The following SNRNP200 variants were observed in gnomAD, a reference collection of about 807,000 sequenced individuals.
The protein encoded by SNRNP200 is small nuclear ribonucleoprotein U5 subunit 200, also known as U5 small nuclear ribonucleoprotein 200 kDa helicase.
A neutral mutation model predicts 255.2 loss-of-function variants in SNRNP200; 66 were observed. The ratio of observed to expected loss-of-function variants is 0.26; its 90% CI spans 0.21 to 0.32. SNRNP200 has a LOEUF of 0.32. SNRNP200 is among the 10% of genes least tolerant of loss of function. The pLI is 1.00. For missense variants in SNRNP200, 1,585 were observed against 2,749.8 expected (o/e 0.58, Z 9.47); for synonymous variants, 939 against 1,027.8 (o/e 0.91, Z 1.65).
intron 12 of SNRNP200, 27 bp from the exon 13 acceptor site, chr2:96,296,718 G>C (rs780910577): frequency 6.2e-7 from 1 of 1,613,216 alleles, no homozygotes; most frequent in Admixed American, 1.7e-5. Flanking sequence ...GGATGAGAAC[G>C]CCTATTCACC....
chr2:96,287,415 C>T lies in SNRNP200; in HGVS notation c.3484+24G>A, dbSNP rs763963379. 1.4e-5 allele frequency: 21 copies of T among 1,536,008 alleles called. No homozygotes were observed. Among genetic ancestry groups the T allele is most frequent in the East Asian group, 2.2e-5 (1 of 44,520 alleles). Reference sequence around the variant, plus strand: ...GGGAGAGACACCCAGGCAGTGAGGACAAGGGCGAGAGCATCCCACACACCA... The same window carrying T: ...GGGAGAGACACCCAGGCAGTGAGGATAAGGGCGAGAGCATCCCACACACCA... On this transcript the variant is annotated intron_variant, in intron 26 of 44. Coordinates refer to ENST00000323853, the MANE Select transcript of SNRNP200 (RefSeq NM_014014.5). This position sits in a 1 kb window ranked among gnomAD's most constrained non-coding sequence, Gnocchi z 5.7.
chr2:96,289,428 A>G (rs2063869653), intron 21 of SNRNP200, 49 bp from the exon 22 acceptor site: 1 of 1,596,228 alleles, frequency 6.3e-7, no homozygotes, highest in Non-Finnish European at 8.6e-7. Flanking sequence ...ATGAGCTCCA[A>G]CCTCTAACTG....
rs1360177117 is a variant in SNRNP200 at position 96,303,243 on chromosome 2, G to C, written c.297C>G (p.Gly99=). The part of the protein sequence containing the change: ...LLSEGIDEMV[G]IIYKPKTKET... The stretch of plus-strand genomic sequence containing the variant: ...CTTTAGTTTTGGGCTTGTAGATGAT[G>C]CCCACCATCTCATCAATGCCCTCCG... The change falls in exon 3 of 45, where the codon GGC becomes GGG. Residue 99 remains glycine, a synonymous_variant. Transcript: ENST00000323853. 6.2e-7 allele frequency: 1 copy of C among 1,614,122 alleles called. No individual in the cohort carries two copies.
intron 34 of SNRNP200, 26 bp from the exon 35 acceptor site, chr2:96,281,948 C>G (rs750181672): frequency 6.3e-7 from 1 of 1,583,088 alleles, no homozygotes; most frequent in Non-Finnish European, 8.7e-7. Context: ...GAGAGGAAGG[C>G]TGAGGGCAGG....
intron 9 of SNRNP200, 63 bp downstream of exon 9, chr2:96,298,221 T>C: frequency 3.1e-6 from 5 of 1,609,440 alleles, no homozygotes; most frequent in South Asian, 2.2e-5. Flanking sequence ...TTTAGCTTCA[T>C]GCTGCAATCT....
At chr2:96,285,478 G>A (rs1275818766) in intron 29 of SNRNP200, 138 bp from the exon 30 acceptor site, 2 of 925,126 alleles carry the variant, frequency 2.2e-6, no homozygotes, top group Non-Finnish European at 3.4e-6. Context: ...GAGGAGCTAA[G>A]GCATCCAAGC....
chr2:96,291,936 T>C lies in SNRNP200; in HGVS notation c.2161-36A>G, dbSNP rs771329412. 1.4e-5 allele frequency: 23 copies of C among 1,611,020 alleles called. No individual in the cohort carries two copies. The Admixed American group carries it at 3.3e-4, about 23-fold the overall frequency. ...GCCACAGTTTGCTACAGTCACGAGA[T>C]ACTCACAGCCCCAGGGCACCTGCAG... On this transcript the variant is annotated intron_variant, in intron 16 of 44. Coordinates refer to ENST00000323853, the MANE Select transcript of SNRNP200 (RefSeq NM_014014.5). The surrounding 1 kb of genome is among the most constrained non-coding windows in gnomAD (Gnocchi z 4.2).
chr2:96,299,126 C>T (rs1046719798), intron 6 of SNRNP200, among the ~76,000 whole-genome samples, 159 bp from the exon 7 acceptor site: 1 of 152,150 alleles, frequency 6.6e-6, no homozygotes, highest in African/African-American at 2.4e-5. Context: ...CAGAAGCACA[C>T]CAGACTAAGA....
chr2:96,293,222 C>A (rs1315203763), intron 15 of SNRNP200, 94 bp downstream of exon 15: 2 of 1,561,516 alleles, frequency 1.3e-6, no homozygotes, highest in East Asian at 4.5e-5. Context: ...ACCCAAAGGC[C>A]CTTCTAAAAC....
chr2:96,274,633 A>G lies in SNRNP200; in HGVS notation c.*379T>C. 1 of 349,350 alleles carries G rather than the reference A, an allele frequency of 2.9e-6. No homozygotes were observed. Among genetic ancestry groups the G allele is most frequent in the Non-Finnish European group, 5.5e-6 (1 of 180,202 alleles). 21.6% of individuals were successfully genotyped at this position (349,350 alleles called of 1,614,324 possible). A position where few individuals can be genotyped will look rare whatever the true frequency, so the allele number is the denominator to read the frequency against. ...GTCTGTCCTCCAGACATACTCATTA[A>G]CAAGCACGTTCCTGGCTAAAAAATA... On this transcript the variant is annotated 3_prime_UTR_variant, in exon 45 of 45. Coordinates refer to ENST00000323853, the MANE Select transcript of SNRNP200 (RefSeq NM_014014.5).
chr2:96,274,895 C>G lies in SNRNP200; in HGVS notation c.*117G>C. The G allele has an allele frequency of 8.4e-7, 1 of 1,191,982 alleles. No homozygotes were observed. The highest frequency in any genetic ancestry group is 2.3e-5 in the East Asian group (1 of 42,960). The allele number at this position is 1,191,982 out of a possible 1,614,324, so 73.8% of individuals were successfully genotyped here. A position where few individuals can be genotyped will look rare whatever the true frequency, so the allele number is the denominator to read the frequency against. ...GGAGGTAGGCGGGGACAGCACCAGC[C>G]CTGGCTGGCCAGACCTGAGGCCCAC... On this transcript the variant is annotated 3_prime_UTR_variant, in exon 45 of 45. Transcript: ENST00000323853.
chr2:96,281,708 T>G (rs1432157439), intron 35 of SNRNP200, 106 bp downstream of exon 35: 2 of 943,544 alleles, frequency 2.1e-6, no homozygotes, highest in Admixed American at 1.7e-5. Context: ...GCTGTTAACT[T>G]CCCTAACACC....
intron 35 of SNRNP200, chr2:96,279,829 A>G (rs937991396): frequency 1.5e-5 from 6 of 409,960 alleles, no homozygotes; most frequent in African/African-American, 1.0e-4. Flanking sequence ...CAAAACCAAA[A>G]TAACTCCCTA....
chr2:96,275,954 C>A (rs1235952333), intron 43 of SNRNP200, among the ~76,000 whole-genome samples: 1 of 152,108 alleles, frequency 6.6e-6, no homozygotes. Context: ...TGCAGTGAGC[C>A]GAGATCGCGC....
Position 96,303,252 on chromosome 2 carries a change from C to G in SNRNP200, c.288G>C (p.Glu96Asp). Residue 96 changes from glutamate to aspartate, a missense_variant, in exon 3 of 45, where the codon GAG (glutamate) becomes GAC (aspartate). Glu to Asp is a conservative substitution (Grantham distance 45). Coordinates refer to ENST00000323853, the MANE Select transcript of SNRNP200 (RefSeq NM_014014.5). Reference protein sequence around the residue: ...GYTLLSEGIDEMVGIIYKPKT... With the variant: ...GYTLLSEGIDDMVGIIYKPKT... ...TGGGCTTGTAGATGATGCCCACCATCTCATCAATGCCCTCCGACAGCAGAG... is the reference window on the plus strand; with the variant it reads ...TGGGCTTGTAGATGATGCCCACCATGTCATCAATGCCCTCCGACAGCAGAG... 3.1e-6 allele frequency: 5 copies of G among 1,614,216 alleles called. No individual in the cohort carries two copies. Among genetic ancestry groups the G allele is most frequent in the South Asian group, 1.1e-5 (1 of 91,086 alleles).
Position 96,286,070 on chromosome 2 carries a change from C to T in SNRNP200, c.4003+241G>A, listed in dbSNP as rs762297491. On this transcript the variant is annotated intron_variant, in intron 29 of 44. Transcript: ENST00000323853. The surrounding 1 kb of genome is among the most constrained non-coding windows in gnomAD (Gnocchi z 4.8). ...GGCAGGCCTCTAAGCCTCCTGGGCC[C>T]GAGAAATGACCATGCCATGTAAGGC... is the stretch of plus-strand genomic sequence containing the variant. Among the ~76,000 whole-genome samples, 2 of 152,204 alleles carry T rather than the reference C, an allele frequency of 1.3e-5. No homozygotes were observed. The highest frequency in any genetic ancestry group is 6.5e-5 in the Admixed American group (1 of 15,276).
chr2:96,282,640 G>C (rs1052225930), intron 34 of SNRNP200: 1 of 220,752 alleles, frequency 4.5e-6, no homozygotes, highest in African/African-American at 2.3e-5. Flanking sequence ...GTACTGTCTA[G>C]TGAATGAGTT....
Position 96,299,389 on chromosome 2 carries a change from C to G in SNRNP200, c.669G>C (p.Glu223Asp), listed in dbSNP as rs1157023221. Residue 223 changes from glutamate (E) to aspartate (D), a missense_variant, in exon 6 of 45, where the codon GAG becomes GAC. By Grantham distance (45) the Glu-to-Asp change is conservative (BLOSUM62 2). Coordinates refer to ENST00000323853, the MANE Select transcript of SNRNP200 (RefSeq NM_014014.5). ...DEDVYGEVRE[E>D]ASDDDMEGDE... ...CCCCTTCCATGTCATCATCAGATGCCTCTTCTCGAACCTCCCCGTATACGT... is the reference window on the plus strand; with the variant it reads ...CCCCTTCCATGTCATCATCAGATGCGTCTTCTCGAACCTCCCCGTATACGT... 1 of 1,614,134 alleles carries G rather than the reference C, an allele frequency of 6.2e-7. No individual in the cohort carries two copies. The highest frequency in any genetic ancestry group is 1.1e-5 in the South Asian group (1 of 91,082).
chr2:96,276,919 C>T lies in SNRNP200; in HGVS notation c.6159G>A (p.Ala2053=), dbSNP rs760684878. The T allele has an allele frequency of 1.5e-5, 25 of 1,613,986 alleles. No individual in the cohort carries two copies. The Admixed American group carries it at 2.2e-4, about 14-fold the overall frequency. Residue 2053 remains alanine (A), a synonymous_variant, in exon 43 of 45, where the codon GCG becomes GCA. Transcript: ENST00000323853. ...CAGGACGCACCTGCGGGAAGAGAGG[C>T]GCAATGACAGGGCCTGTGACTTCCT... ...REEEVTGPVI[A]PLFPQKREEG... is the part of the protein sequence containing the mutation.
Sources: gnomAD v4.1 joint callset for allele counts (sites outside exome capture counted in the v4.1 genomes callset) on GRCh38, gnomAD v4.1.1 for gene constraint, Gnocchi (gnomAD v3.1) non-coding constraint, MANE v1.5 for transcripts, NCBI Gene and HGNC (gene_info 2026-07-23, HGNC 2026-07-21) for gene names.